Variants in IRAK1BP1 observed in about 807,000 individuals in gnomAD.
IRAK1BP1 encodes the protein interleukin 1 receptor associated kinase 1 binding protein 1.
IRAK1BP1 carries 24 observed loss-of-function variants against 28.0 expected under a neutral mutation model. The ratio of observed to expected loss-of-function variants is 0.86; its 90% confidence interval spans 0.62 to 1.20. The LOEUF (loss-of-function observed/expected upper bound fraction) is 1.20, where lower values mean the gene tolerates loss of function less well. IRAK1BP1 is among the 50% of genes most tolerant of loss of function. IRAK1BP1 has a pLI of 0.00. For synonymous variants in IRAK1BP1, 131 were observed against 116.3 expected (o/e 1.13, Z -0.81); for missense variants, 336 against 316.7 (o/e 1.06, Z -0.46).
chr6:78,975,259 C>G, the IRAK1BP1 span, among the ~76,000 whole-genome samples: 63 of 151,968 alleles, frequency 4.1e-4, 1 homozygote, highest in South Asian at 0.013. Context: ...ATAAACAGAG[C>G]CAAAGACAAA....
At chr6:78,910,863 C>CA (rs1772394437) in intron 4 of IRAK1BP1, among the ~76,000 whole-genome samples, 1 of 152,242 alleles carries the variant, frequency 6.6e-6, no homozygotes, top group Non-Finnish European at 1.5e-5. Flanking sequence ...CGTGCTGGGA[C>CA]AGCCGCGCAC....
At chr6:78,890,661 G>A (rs1771619834) in intron 2 of IRAK1BP1, among the ~76,000 whole-genome samples, 1 of 152,174 alleles carries the variant, frequency 6.6e-6, no homozygotes, top group African/African-American at 2.4e-5. Context: ...CCAAGGGTCA[G>A]AAATCTGAAC....
At chr6:78,907,529 A>G (rs191155213), downstream of IRAK1BP1, among the ~76,000 whole-genome samples, 1 of 152,266 alleles carries the variant, frequency 6.6e-6, no homozygotes, top group African/African-American at 2.4e-5. Context: ...TCCTGAGGAA[A>G]GGGAAGTGAA....
intron 4 of IRAK1BP1, chr6:78,945,257 A>G (rs1324961092): frequency 1.5e-6 from 2 of 1,350,676 alleles, no homozygotes; most frequent in African/African-American, 1.4e-5. Context: ...ATTATTTATA[A>G]TAAGGATCTA....
At chr6:78,873,254 CAAAAAAAAAAAAAAAA>C (rs35962544) in intron 1 of IRAK1BP1, among the ~76,000 whole-genome samples, 1 of 41,106 alleles carries the variant, frequency 2.4e-5, no homozygotes, top group African/African-American at 1.0e-4. Context: ...AACTCTGTCT[CAAAAAAAAAAAAAAAA>C]AAAAAAAAAA....
chr6:78,967,088 A>T, the IRAK1BP1 span, among the ~76,000 whole-genome samples: 1 of 152,328 alleles, frequency 6.6e-6, no homozygotes, highest in African/African-American at 2.4e-5. Flanking sequence ...ACTCAAAGAG[A>T]AAAGTAGTTA....
chr6:78,898,432 ATATATATATATATG>A lies in IRAK1BP1; in HGVS notation c.*99_*112del, dbSNP rs1470942431. 1 of 165,298 alleles carries A rather than the reference ATATATATATATATG, an allele frequency of 6.0e-6. No homozygotes were observed. Among genetic ancestry groups the A allele is most frequent in the Non-Finnish European group, 1.2e-5 (1 of 84,092 alleles). 10.2% of individuals were successfully genotyped at this position (165,298 alleles called of 1,614,324 possible). On this transcript the variant is annotated 3_prime_UTR_variant, in exon 4 of 4. Transcript: ENST00000369940. Reference sequence around the variant, plus strand: ...CCTGAATATATATATATATATATATATATATATATATATGGTATAGGAGATAAGCTATTTCTTTC... The same window carrying A: ...CCTGAATATATATATATATATATATAGTATAGGAGATAAGCTATTTCTTTC...
At chr6:78,927,373 C>G (rs1213450541) in intron 4 of IRAK1BP1, among the ~76,000 whole-genome samples, 1 of 152,000 alleles carries the variant, frequency 6.6e-6, no homozygotes, top group South Asian at 2.1e-4. Context: ...AAATCTTTTG[C>G]CCATTTTTAA....
chr6:78,936,828 G>A (rs1773287023), intron 4 of IRAK1BP1: 1 of 151,794 alleles, frequency 6.6e-6, no homozygotes, highest in Non-Finnish European at 1.5e-5. Context: ...ACTTTGCTCA[G>A]TATAATTAAC....
chr6:78,974,148 T>C, the IRAK1BP1 span, among the ~76,000 whole-genome samples: 1 of 151,936 alleles, frequency 6.6e-6, no homozygotes, highest in Non-Finnish European at 1.5e-5. Context: ...TCAGCAAATG[T>C]AAAAGAACAG....
At chr6:78,952,222 C>T in the IRAK1BP1 span, among the ~76,000 whole-genome samples, 1 of 151,968 alleles carries the variant, frequency 6.6e-6, no homozygotes, top group African/African-American at 2.4e-5. Flanking sequence ...AGATTGAGAC[C>T]ATCCTGGCCA....
chr6:78,959,343 T>C, the IRAK1BP1 span, among the ~76,000 whole-genome samples: 6 of 152,108 alleles, frequency 3.9e-5, no homozygotes, highest in East Asian at 7.7e-4. Flanking sequence ...ATTGTGGACA[T>C]AGAAACATAA....
At chr6:78,871,965 C>T (rs940397131) in intron 1 of IRAK1BP1, 27 of 502,224 alleles carry the variant, frequency 5.4e-5, no homozygotes, top group Non-Finnish European at 7.7e-5. Flanking sequence ...CCCTGGCTGC[C>T]GGAATCCACT....
intron 4 of IRAK1BP1, among the ~76,000 whole-genome samples, chr6:78,916,172 T>C (rs535812486): frequency 6.6e-6 from 1 of 152,240 alleles, no homozygotes; most frequent in Non-Finnish European, 1.5e-5. Context: ...AGTGAAGTTA[T>C]AAAGTTATTT....
chr6:78,869,417 G>A (rs765067649), intron 1 of IRAK1BP1, among the ~76,000 whole-genome samples: 1 of 152,220 alleles, frequency 6.6e-6, no homozygotes, highest in Non-Finnish European at 1.5e-5. Flanking sequence ...CTACTAGGGT[G>A]ACTGAGGCAG....
chr6:78,891,088 AG>A (rs1184814133), intron 2 of IRAK1BP1, among the ~76,000 whole-genome samples: 1 of 152,236 alleles, frequency 6.6e-6, no homozygotes, highest in East Asian at 1.9e-4. Context: ...AGGAACTCAT[AG>A]ATTACCCAAT....
At chr6:78,889,469 A>G (rs1411534243) in intron 2 of IRAK1BP1, among the ~76,000 whole-genome samples, 3 of 151,996 alleles carry the variant, frequency 2.0e-5, no homozygotes, top group Non-Finnish European at 2.9e-5. Flanking sequence ...AAAAGAAACC[A>G]TCATCGGAGT....
At chr6:78,961,234 A>T in the IRAK1BP1 span, among the ~76,000 whole-genome samples, 1 of 152,064 alleles carries the variant, frequency 6.6e-6, no homozygotes, top group African/African-American at 2.4e-5. Flanking sequence ...TTTCAGTGTT[A>T]TAAGTAATGA....
intron 1 of IRAK1BP1, among the ~76,000 whole-genome samples, chr6:78,876,977 C>T (rs1771025653): frequency 6.6e-6 from 1 of 152,158 alleles, no homozygotes; most frequent in South Asian, 2.1e-4. Context: ...GTTTATTTAG[C>T]ATGATGCAAC....
Sources: allele counts gnomAD v4.1 joint callset (sites outside exome capture counted in the v4.1 genomes callset), GRCh38; gene constraint gnomAD v4.1.1; transcripts MANE v1.5; gene names NCBI Gene and HGNC (gene_info 2026-07-23, HGNC 2026-07-21).